The following DMD variants were observed in gnomAD, a reference collection of about 807,000 sequenced individuals.
DMD encodes the protein mutant dystrophin.
DMD carries 63 observed loss-of-function variants against 330.1 expected under a neutral mutation model. The ratio of observed to expected loss-of-function variants is 0.19; its 90% confidence interval spans 0.16 to 0.24. The LOEUF is 0.24. Among genes scored for constraint, DMD ranks in the 10% least tolerant of loss-of-function variants. The probability of loss-of-function intolerance (pLI) is 1.00; values close to 1 mark genes in which losing one functional copy is unlikely to be tolerated. For synonymous variants in DMD, 1,223 were observed against 959.8 expected (o/e 1.27, Z -5.07); for missense variants, 3,344 against 2,684.1 (o/e 1.25, Z -5.43).
intron 59 of DMD, among the ~76,000 whole-genome samples, chrX:31,447,086 C>G (rs1280099594): frequency 3.6e-5 from 4 of 111,125 alleles, no homozygotes; most frequent in Non-Finnish European, 7.5e-5. Context: ...TTTTCATTTT[C>G]TCTCCCAAAT....
intron 55 of DMD, among the ~76,000 whole-genome samples, chrX:31,549,712 C>T (rs1278790410): frequency 3.6e-5 from 4 of 112,376 alleles, no homozygotes; most frequent in African/African-American, 9.7e-5. Flanking sequence ...TAAGCTAAAA[C>T]GCATGATTTT....
At chrX:32,751,822 G>C (rs1240422884) in intron 7 of DMD, among the ~76,000 whole-genome samples, 3 of 112,452 alleles carry the variant, frequency 2.7e-5, no homozygotes. Context: ...TTGGTGCCCT[G>C]TGTCCCAGCC....
chrX:31,923,594 CTTTTT>C (rs746084752), intron 47 of DMD, among the ~76,000 whole-genome samples: 3,368 of 76,146 alleles, frequency 0.044, 56 homozygotes, highest in Non-Finnish European at 0.065. Context: ...GGTGAACACC[CTTTTT>C]TTTTTTTTTT....
In DMD at chrX:31,120,881, CAAT is replaced by C. The variant is rs1442793894; in HGVS notation, c.*1035_*1037del. The C allele has an allele frequency of 1.5e-4, 16 of 107,315 alleles. 1 individual carries two copies. Among genetic ancestry groups the C allele is most frequent in the African/African-American group, 6.0e-4 (16 of 26,566 alleles). 8.8% of individuals were successfully genotyped at this position (107,315 alleles called of 1,213,427 possible). A position where few individuals can be genotyped will look rare whatever the true frequency, so the allele number is the denominator to read the frequency against. The stretch of plus-strand genomic sequence containing the variant: ...AAGCTGAATGTATCAATCAATCAAT[CAAT>C]CAACCAACCAACCGATTACTCACTC... On this transcript the variant is annotated 3_prime_UTR_variant, in exon 79 of 79. Transcript: ENST00000357033.
chrX:31,367,014 T>A (rs1030941068), intron 60 of DMD, among the ~76,000 whole-genome samples: 3 of 111,482 alleles, frequency 2.7e-5, no homozygotes, highest in Non-Finnish European at 5.7e-5. Flanking sequence ...GTCTCTTTTG[T>A]GATTGGCCAA....
At chrX:31,436,399 T>G (rs1259860075) in intron 60 of DMD, among the ~76,000 whole-genome samples, 2 of 111,361 alleles carry the variant, frequency 1.8e-5, no homozygotes, top group Non-Finnish European at 3.8e-5. Flanking sequence ...TTATACTTCA[T>G]ATAATTTTTT....
chrX:32,646,631 G>A (rs2059802038), intron 9 of DMD, among the ~76,000 whole-genome samples: 1 of 111,244 alleles, frequency 9.0e-6, no homozygotes, highest in Admixed American at 9.6e-5. Context: ...TACATTTCCT[G>A]TCCTTCTCAG....
intron 49 of DMD, among the ~76,000 whole-genome samples, chrX:31,821,262 G>A (rs1241815584): frequency 2.7e-5 from 3 of 112,680 alleles, no homozygotes; most frequent in Non-Finnish European, 5.6e-5. Flanking sequence ...ATTGCTGCAT[G>A]GTAGCCCCGG....
At chrX:32,256,696 A>G (rs1046051736) in intron 43 of DMD, among the ~76,000 whole-genome samples, 1 of 111,225 alleles carries the variant, frequency 9.0e-6, no homozygotes, top group African/African-American at 3.3e-5. Flanking sequence ...GAGCTCTTGT[A>G]AGCCAGGCCT....
intron 13 of DMD, among the ~76,000 whole-genome samples, chrX:32,578,917 T>G (rs16990472): frequency 0.05 from 5,536 of 111,772 alleles, 144 homozygotes; most frequent in African/African-American, 0.089. Flanking sequence ...CTAAATGAAT[T>G]TTATGTGTAA....
At chrX:32,148,310 C>T (rs2096788284) in intron 44 of DMD, among the ~76,000 whole-genome samples, 1 of 111,293 alleles carries the variant, frequency 9.0e-6, no homozygotes, top group African/African-American at 3.3e-5. Context: ...ATTATTATGA[C>T]TACATCAGAA....
chrX:32,714,361 C>A (rs2147816234), intron 7 of DMD, among the ~76,000 whole-genome samples: 1 of 111,534 alleles, frequency 9.0e-6, no homozygotes, highest in South Asian at 3.8e-4. Context: ...GTTGAGTATT[C>A]AATTCTGTAT....
chrX:31,522,363 CTATATATATATATATATATATA>C, intron 55 of DMD, among the ~76,000 whole-genome samples: 1 of 35,964 alleles, frequency 2.8e-5, no homozygotes, highest in East Asian at 9.7e-4. Context: ...CTCTCTCTCT[CTATATATATATATATATATATA>C]TAGCTGCACA....
intron 12 of DMD, among the ~76,000 whole-genome samples, chrX:32,607,955 T>TGAGGAA (rs2056868552): frequency 3.7e-5 from 4 of 109,523 alleles, no homozygotes; most frequent in Admixed American, 9.7e-5. Flanking sequence ...GAGAGGTCAG[T>TGAGGAA]GTCTTCTCAT....
At chrX:32,076,079 A>AC (rs2096345534) in intron 44 of DMD, among the ~76,000 whole-genome samples, 1 of 93,877 alleles carries the variant, frequency 1.1e-5, no homozygotes, top group African/African-American at 4.0e-5. Flanking sequence ...AAAAAAAAAA[A>AC]AAAAAAAAGA....
intron 48 of DMD, among the ~76,000 whole-genome samples, chrX:31,860,120 G>C (rs2149597404): frequency 9.0e-6 from 1 of 111,054 alleles, no homozygotes; most frequent in East Asian, 2.8e-4. Flanking sequence ...AAAACTGATA[G>C]CATGGCTTCT....
At chrX:32,714,101 A>T (rs147717168) in intron 7 of DMD, among the ~76,000 whole-genome samples, 1 of 111,903 alleles carries the variant, frequency 8.9e-6, no homozygotes, top group East Asian at 2.8e-4. Flanking sequence ...CTGCTTTCAC[A>T]CCATCATAAA....
chrX:31,510,506 C>CTTTTTTTTTTTTTTTTTTTT (rs756448666), intron 55 of DMD, among the ~76,000 whole-genome samples: 1 of 84,540 alleles, frequency 1.2e-5, no homozygotes. Flanking sequence ...TCTGACTGCT[C>CTTTTTTTTTTTTTTTTTTTT]TTTTTTTTTT....
rs80135918 is a variant in DMD at position 32,859,551 on chromosome X, A to C, written c.94-9731T>G. 5.4e-5 allele frequency among the ~76,000 whole-genome samples: 6 copies of C among 110,430 alleles called. No homozygotes were observed. The East Asian group carries it at 1.4e-3, about 26-fold the overall frequency. On this transcript the variant is annotated intron_variant, in intron 2 of 78. Transcript: ENST00000357033. ...CGATAATATAAAAATATTATATTAG[A>C]AAGTGCAGAATACATGTAAAATGTT...
Sources: gnomAD v4.1 joint callset for allele counts (sites outside exome capture counted in the v4.1 genomes callset) on GRCh38, gnomAD v4.1.1 for gene constraint, MANE v1.5 for transcripts, NCBI Gene and HGNC (gene_info 2026-07-23, HGNC 2026-07-21) for gene names.